Variants in MAN1C1 observed in about 807,000 individuals in gnomAD.
MAN1C1 encodes the protein mannosidase alpha class 1C member 1.
A neutral mutation model predicts 71.5 loss-of-function variants in MAN1C1; 49 were observed. The observed-to-expected ratio is 0.69, with a 90% CI of 0.54 to 0.87. MAN1C1 has a LOEUF of 0.87. Ranked by LOEUF, MAN1C1 falls within the 40% of genes least tolerant of loss-of-function variation. MAN1C1 has a pLI of 0.00. For synonymous variants in MAN1C1, 352 were observed against 343.7 expected (o/e 1.02, Z -0.27); for missense variants, 743 against 835.0 (o/e 0.89, Z 1.36).
chr1:25,671,214 AT>A (rs1213985339), intron 1 of MAN1C1, among the ~76,000 whole-genome samples: 1 of 152,078 alleles, frequency 6.6e-6, no homozygotes, highest in Non-Finnish European at 1.5e-5. Context: ...TGGGCAAGTT[AT>A]TTCACCCTCC....
At chr1:25,768,836 A>ACC (rs200398736) in intron 7 of MAN1C1, among the ~76,000 whole-genome samples, 10 of 36,180 alleles carry the variant, frequency 2.8e-4, no homozygotes, top group East Asian at 1.8e-3. Context: ...CCTCACACAC[A>ACC]CCACACACAT....
chr1:25,751,125 ATCCT>A (rs139927517), intron 4 of MAN1C1, among the ~76,000 whole-genome samples: 4,351 of 119,362 alleles, frequency 0.036, 200 homozygotes, highest in African/African-American at 0.13. Context: ...CTTTCCTTCC[ATCCT>A]TCCTTCCCTT....
In MAN1C1 at chr1:25,771,680, G is replaced by A. The variant is rs200581599; in HGVS notation, c.1165G>A (p.Gly389Arg). Residue 389 changes from glycine to arginine, a missense_variant, in exon 8 of 12, where the codon GGG becomes AGG. Coordinates refer to ENST00000374332, the MANE Select transcript of MAN1C1 (RefSeq NM_020379.4). ...AGACCATGTCTCAGTTGGAGGACTCGGGGACAGTTTTTATGAATATTTGAT... is the reference window on the plus strand; with the variant it reads ...AGACCATGTCTCAGTTGGAGGACTCAGGGACAGTTTTTATGAATATTTGAT... ...VQHHVSVGGL[G>R]DSFYEYLIKS... 17 of 1,613,988 alleles carry A rather than the reference G, an allele frequency of 1.1e-5. No homozygotes were observed. The highest frequency in any genetic ancestry group is 1.3e-5 in the African/African-American group (1 of 75,042).
intron 6 of MAN1C1, chr1:25,763,650 A>G (rs532765079): frequency 2.2e-5 from 12 of 546,482 alleles, no homozygotes; most frequent in African/African-American, 1.3e-4. Context: ...GTCAGTGGAG[A>G]GGCTATGGAT....
Position 25,711,695 on chromosome 1 carries a change from G to C in MAN1C1, c.637+25159G>C, listed in dbSNP as rs2046615519. Among the ~76,000 whole-genome samples, 1 of 134,168 alleles carries C rather than the reference G, an allele frequency of 7.5e-6. No homozygotes were observed. The highest frequency in any genetic ancestry group is 1.6e-5 in the Non-Finnish European group (1 of 62,920). 88.0% of individuals were successfully genotyped at this position (134,168 alleles called of 152,430 possible). On this transcript the variant is annotated intron_variant, in intron 2 of 11. Transcript: ENST00000374332. This position sits in a 1 kb window ranked among gnomAD's most constrained non-coding sequence, Gnocchi z 4.3. ...CCCCTCCCCTGCGTGCTGCAAGCCT[G>C]CCCCGGGCCCCACTTCCTCCCCTCC...
intron 2 of MAN1C1, among the ~76,000 whole-genome samples, chr1:25,736,442 A>C (rs947385681): frequency 6.6e-6 from 1 of 152,176 alleles, no homozygotes; most frequent in Non-Finnish European, 1.5e-5. Context: ...AGTGCTGGAC[A>C]GTGTATGGGG....
intron 1 of MAN1C1, among the ~76,000 whole-genome samples, chr1:25,667,947 A>G (rs2045946086): frequency 6.6e-6 from 1 of 152,194 alleles, no homozygotes; most frequent in African/African-American, 2.4e-5. Context: ...GCTTCATGGG[A>G]AGAATGACTC....
chr1:25,644,146 G>A (rs762172070), intron 1 of MAN1C1, among the ~76,000 whole-genome samples: 2 of 152,092 alleles, frequency 1.3e-5, no homozygotes, highest in Non-Finnish European at 2.9e-5. Flanking sequence ...AAAGGGCTGC[G>A]GAGTCACCTG....
intron 1 of MAN1C1, among the ~76,000 whole-genome samples, chr1:25,685,980 C>T (rs565371198): frequency 2.0e-5 from 3 of 152,272 alleles, no homozygotes; most frequent in East Asian, 3.9e-4. Context: ...ACTCACTGAG[C>T]GATGTTGGAT....
intron 1 of MAN1C1, among the ~76,000 whole-genome samples, chr1:25,636,327 C>T (rs748474261): frequency 3.1e-4 from 47 of 152,242 alleles, no homozygotes; most frequent in Middle Eastern, 3.4e-3. Flanking sequence ...GAGACCAGGC[C>T]GTGTTTCAGT....
chr1:25,725,547 G>C lies in MAN1C1; in HGVS notation c.638-21121G>C, dbSNP rs1490240865. Among the ~76,000 whole-genome samples, 2 of 152,220 alleles carry C rather than the reference G, an allele frequency of 1.3e-5. No individual in the cohort carries two copies. Among genetic ancestry groups the C allele is most frequent in the East Asian group, 3.9e-4 (2 of 5,190 alleles). ...AAGGGCACAGCACGTGCAAGGGCATGGTGGCGTGAGAGTACAGGAGTACTT... is the reference window on the plus strand; with the variant it reads ...AAGGGCACAGCACGTGCAAGGGCATCGTGGCGTGAGAGTACAGGAGTACTT... On this transcript the variant is annotated intron_variant, in intron 2 of 11. Transcript: ENST00000374332. The surrounding 1 kb of genome is among the most constrained non-coding windows in gnomAD (Gnocchi z 4.8).
chr1:25,754,147 C>T (rs745539201), intron 5 of MAN1C1, among the ~76,000 whole-genome samples: 23 of 152,162 alleles, frequency 1.5e-4, no homozygotes, highest in Non-Finnish European at 2.6e-4. Flanking sequence ...GTAGAAGCCA[C>T]ATCCCCGGGC....
At chr1:25,703,285 G>A (rs1415311782) in intron 2 of MAN1C1, among the ~76,000 whole-genome samples, 1 of 152,214 alleles carries the variant, frequency 6.6e-6, no homozygotes, top group Non-Finnish European at 1.5e-5. Flanking sequence ...AGGTGTGGCA[G>A]GTCACCAGTT....
chr1:25,767,157 C>T (rs1051622394), intron 7 of MAN1C1, among the ~76,000 whole-genome samples: 5 of 151,386 alleles, frequency 3.3e-5, no homozygotes, highest in Non-Finnish European at 5.9e-5. Context: ...CTCGTACACA[C>T]ACACACACAC....
intron 2 of MAN1C1, among the ~76,000 whole-genome samples, chr1:25,738,217 G>A (rs1466964426): frequency 6.6e-6 from 1 of 152,038 alleles, no homozygotes; most frequent in Admixed American, 6.6e-5. Flanking sequence ...TGTCACCCAG[G>A]AAATAGCTAT....
At chr1:25,744,248 C>T (rs1050937158) in intron 2 of MAN1C1, among the ~76,000 whole-genome samples, 5 of 152,178 alleles carry the variant, frequency 3.3e-5, no homozygotes, top group African/African-American at 1.2e-4. Flanking sequence ...GCTTGAGCAC[C>T]TCGAGAGGGT....
chr1:25,726,893 T>TAAAAAA (rs530911352), intron 2 of MAN1C1, among the ~76,000 whole-genome samples: 2,019 of 127,130 alleles, frequency 0.016, 56 homozygotes, highest in African/African-American at 0.055. Context: ...TCATCTCTAT[T>TAAAAAA]AAAAAAAAAA....
intron 1 of MAN1C1, among the ~76,000 whole-genome samples, chr1:25,675,035 T>C (rs939134584): frequency 6.6e-6 from 1 of 152,178 alleles, no homozygotes; most frequent in African/African-American, 2.4e-5. Context: ...TTTTAGTGGA[T>C]ACGTTAATAG....
At chr1:25,748,323 A>AGGTGCTCTGT (rs2124341490) in intron 3 of MAN1C1, among the ~76,000 whole-genome samples, 1 of 152,268 alleles carries the variant, frequency 6.6e-6, no homozygotes, top group Admixed American at 6.5e-5. Context: ...GCGGTTTTGC[A>AGGTGCTCTGT]GGTGCTCTGT....
Sources: gnomAD v4.1 joint callset for allele counts (sites outside exome capture counted in the v4.1 genomes callset) on GRCh38, gnomAD v4.1.1 for gene constraint, Gnocchi (gnomAD v3.1) non-coding constraint, MANE v1.5 for transcripts, NCBI Gene and HGNC (gene_info 2026-07-23, HGNC 2026-07-21) for gene names.